The following CNTN6 variants were observed in gnomAD, a reference collection of about 807,000 sequenced individuals.
CNTN6 encodes contactin 6, also known as contactin-6.
In CNTN6, 137 loss-of-function variants were observed where a neutral mutation model predicts 122.8. The ratio of observed to expected loss-of-function variants is 1.12; its 90% CI spans 0.97 to 1.29. CNTN6 has a LOEUF of 1.29. CNTN6 is among the 50% of genes most tolerant of loss of function. The pLI, the probability that CNTN6 is intolerant of heterozygous loss-of-function variation, is 0.00. For missense variants in CNTN6, 1,634 were observed against 1,223.4 expected, an observed-to-expected ratio of 1.34 and a Z score of -5.01; for synonymous variants, 570 against 426.0, an observed-to-expected ratio of 1.34 and a Z score of -4.16.
At chr3:1,122,376 A>G (rs7615335) in intron 1 of CNTN6, among the ~76,000 whole-genome samples, 42,964 of 146,156 alleles carry the variant, frequency 0.29, 6,797 homozygotes, top group African/African-American at 0.32. Context: ...GGAAGGAAGG[A>G]AGGGAGGAAT....
chr3:1,230,864 G>A (rs544874931), intron 4 of CNTN6, among the ~76,000 whole-genome samples: 2 of 152,306 alleles, frequency 1.3e-5, no homozygotes, highest in African/African-American at 4.8e-5. Flanking sequence ...CACAGTAATT[G>A]TCTAAATAAT....
intron 20 of CNTN6, among the ~76,000 whole-genome samples, chr3:1,389,204 C>G (rs1354306135): frequency 6.6e-6 from 1 of 151,270 alleles, no homozygotes; most frequent in African/African-American, 2.4e-5. Context: ...ATCAGACTAA[C>G]AGCAGATCTC....
At chr3:1,121,990 T>C (rs2091964827) in intron 1 of CNTN6, among the ~76,000 whole-genome samples, 1 of 152,008 alleles carries the variant, frequency 6.6e-6, no homozygotes, top group African/African-American at 2.4e-5. Context: ...GGGCAGGTGT[T>C]CTGATCTCTC....
At chr3:1,341,734 A>C (rs1254528462) in intron 11 of CNTN6, among the ~76,000 whole-genome samples, 1 of 152,184 alleles carries the variant, frequency 6.6e-6, no homozygotes, top group Admixed American at 6.5e-5. Flanking sequence ...AGAGGTCTGA[A>C]TATTTGATGC....
intron 20 of CNTN6, among the ~76,000 whole-genome samples, chr3:1,393,960 C>T (rs748716625): frequency 6.6e-6 from 1 of 151,998 alleles, no homozygotes; most frequent in Non-Finnish European, 1.5e-5. Flanking sequence ...CCCTTGACCT[C>T]AAGGGCAGTC....
chr3:1,227,694 C>T (rs2094301527), intron 3 of CNTN6, 124 bp from the exon 4 acceptor site: 2 of 1,003,084 alleles, frequency 2.0e-6, no homozygotes, highest in Non-Finnish European at 1.5e-6. Flanking sequence ...GTAGGATTAC[C>T]TCCACATGTA....
intron 7 of CNTN6, among the ~76,000 whole-genome samples, chr3:1,298,909 A>C (rs1004126205): frequency 5.9e-5 from 9 of 152,160 alleles, no homozygotes; most frequent in Non-Finnish European, 1.0e-4. Context: ...GTCTATTCCT[A>C]ATGTGGCCCT....
intron 20 of CNTN6, among the ~76,000 whole-genome samples, chr3:1,391,782 T>G (rs1330932515): frequency 1.3e-5 from 2 of 149,922 alleles, no homozygotes; most frequent in Non-Finnish European, 3.0e-5. Flanking sequence ...GAGAGCCAAA[T>G]CATGAGTGAA....
chr3:1,371,101 A>G (rs984075240), intron 12 of CNTN6, among the ~76,000 whole-genome samples: 1 of 152,152 alleles, frequency 6.6e-6, no homozygotes, highest in African/African-American at 2.4e-5. Context: ...ACAATTAAAA[A>G]TGTTTAAATG....
At position 1,220,370 on chromosome 3, in the gene CNTN6, T is replaced by C. The variant is rs570352587; in HGVS notation, c.56-317T>C. On this transcript the variant is annotated intron_variant, in intron 2 of 22. Transcript: ENST00000446702. ...AATGAAACAACAAAAAATAGAATTT[T>C]ATTAGAAAAAATGGGAAATGGGACC... Among the ~76,000 whole-genome samples the C allele has an allele frequency of 5.3e-5, 8 of 152,228 alleles. No individual in the cohort carries two copies. In the South Asian group the frequency reaches 1.2e-3, roughly 24 times the overall value.
chr3:1,150,229 A>G (rs2125182135), intron 2 of CNTN6, among the ~76,000 whole-genome samples: 1 of 152,316 alleles, frequency 6.6e-6, no homozygotes. Context: ...TTAGAAAATT[A>G]GATTGTCTGA....
chr3:1,189,229 G>C (rs1157485283), intron 2 of CNTN6, among the ~76,000 whole-genome samples: 1 of 152,080 alleles, frequency 6.6e-6, no homozygotes, highest in African/African-American at 2.4e-5. Context: ...CAAAATAGCT[G>C]AGTAAACCAC....
intron 12 of CNTN6, among the ~76,000 whole-genome samples, chr3:1,359,682 A>G (rs1469857429): frequency 6.6e-6 from 1 of 152,100 alleles, no homozygotes; most frequent in African/African-American, 2.4e-5. Context: ...AAGAGGATAT[A>G]AAACATTTTA....
intron 20 of CNTN6, among the ~76,000 whole-genome samples, chr3:1,390,634 A>G (rs1216462832): frequency 1.3e-5 from 2 of 152,310 alleles, no homozygotes; most frequent in East Asian, 3.9e-4. Context: ...GGTTTTTTGA[A>G]AGGATCAACA....
At chr3:1,119,894 A>G (rs1379439733) in intron 1 of CNTN6, among the ~76,000 whole-genome samples, 1 of 152,002 alleles carries the variant, frequency 6.6e-6, no homozygotes, top group South Asian at 2.1e-4. Context: ...CAATCCTACC[A>G]CATTTCTTGC....
At chr3:1,298,147 A>G (rs2125874819) in intron 7 of CNTN6, 156 bp downstream of exon 7, 1 of 596,146 alleles carries the variant, frequency 1.7e-6, no homozygotes, top group African/African-American at 1.9e-5. Flanking sequence ...TTAAACAAAC[A>G]TGTCTAATAC....
chr3:1,253,430 G>C (rs77823332), intron 4 of CNTN6, among the ~76,000 whole-genome samples: 3,412 of 152,128 alleles, frequency 0.022, 121 homozygotes, highest in African/African-American at 0.078. Flanking sequence ...TTGATAAATG[G>C]TTATGTAATA....
chr3:1,211,911 A>T (rs867105282), intron 2 of CNTN6, among the ~76,000 whole-genome samples: 6 of 152,286 alleles, frequency 3.9e-5, no homozygotes, highest in African/African-American at 1.4e-4. Flanking sequence ...CAGATTGAAC[A>T]TGCCTTTAAG....
chr3:1,329,805 A>G lies in CNTN6; in HGVS notation c.1234A>G (p.Lys412Glu), dbSNP rs568382080. Reference protein sequence around the residue: ...RVLASAPDFSKSPVKKKSFVQ... With the variant: ...RVLASAPDFSESPVKKKSFVQ... ...TTTAGCCTCAGCTCCAGATTTCTCC[A>G]AAAGTCCAGTTAAAAAAAAGTCTTT... The change falls in exon 11 of 23, where the codon AAA (lysine) becomes GAA (glutamate). Residue 412 changes from lysine to glutamate, a missense_variant. Transcript: ENST00000446702. The G allele has an allele frequency of 1.7e-5, 28 of 1,605,490 alleles. No individual in the cohort carries two copies. The East Asian group carries it at 2.7e-4, about 15-fold the overall frequency.
Sources: gnomAD v4.1 joint callset for allele counts (sites outside exome capture counted in the v4.1 genomes callset) on GRCh38, gnomAD v4.1.1 for gene constraint, MANE v1.5 for transcripts, NCBI Gene and HGNC (gene_info 2026-07-23, HGNC 2026-07-21) for gene names.